The following KLRF2 variants were observed in gnomAD, a reference collection of about 807,000 sequenced individuals.
KLRF2 encodes the protein killer cell lectin like receptor F2.
KLRF2 carries 28 observed loss-of-function variants against 25.3 expected under a neutral mutation model. The observed-to-expected ratio is 1.11, with a 90% CI of 0.82 to 1.52. KLRF2 has a LOEUF of 1.52. Ranked by LOEUF, KLRF2 falls within the 40% of genes most tolerant of loss-of-function variation. KLRF2 has a pLI of 0.00. For synonymous variants in KLRF2, 73 were observed against 85.0 expected (o/e 0.86, Z 0.78); for missense variants, 265 against 245.8 (o/e 1.08, Z -0.52).
chr12:9,888,465 GGGC>G (rs1862629677), intron 2 of KLRF2, among the ~76,000 whole-genome samples: 1 of 151,648 alleles, frequency 6.6e-6, no homozygotes, highest in South Asian at 2.1e-4. Flanking sequence ...ACTGCAGCCT[GGGC>G]AACAGAGTGA....
chr12:9,884,804 AG>A, intron 1 of KLRF2, 129 bp from the exon 2 acceptor site: 1 of 383,176 alleles, frequency 2.6e-6, no homozygotes, highest in Non-Finnish European at 4.6e-6. Context: ...TTTTATTTTT[AG>A]ATTTTCATTT....
At chr12:9,889,658 GTGTA>G (rs200579836) in intron 3 of KLRF2, among the ~76,000 whole-genome samples, 7,054 of 141,542 alleles carry the variant, frequency 0.05, 261 homozygotes, top group African/African-American at 0.12. Flanking sequence ...GTGTGTGTGT[GTGTA>G]TATATATGTA....
intron 3 of KLRF2, 117 bp from the exon 4 acceptor site, chr12:9,892,903 C>CAA (rs35351866): frequency 0.056 from 43,244 of 769,072 alleles, 143 homozygotes; most frequent in Non-Finnish European, 0.062. Context: ...TTTTATTGAC[C>CAA]AAAAAAAAAA....
chr12:9,885,017 G>C lies in KLRF2; in HGVS notation c.154G>C (p.Asp52His). Reference protein sequence around the residue: ...VILIFIMTGIDLKFWHKKMDF... With the variant: ...VILIFIMTGIHLKFWHKKMDF... ...CCTTATATTCATTATGACAGGGATTGACCTGAAGTTCTGGCGTGAGTAGTA... is the reference window on the plus strand; with the variant it reads ...CCTTATATTCATTATGACAGGGATTCACCTGAAGTTCTGGCGTGAGTAGTA... The change falls in exon 2 of 6, where the codon GAC becomes CAC. Residue 52 changes from aspartate (D) to histidine (H), a missense_variant. Asp to His is a moderately conservative substitution (Grantham distance 81, BLOSUM62 -1). Coordinates refer to ENST00000535540, the MANE Select transcript of KLRF2 (RefSeq NM_001190765.1). 7.8e-7 allele frequency: 1 copy of C among 1,289,366 alleles called. No homozygotes were observed. The highest frequency in any genetic ancestry group is 9.9e-7 in the Non-Finnish European group (1 of 1,006,082). 79.9% of individuals were successfully genotyped at this position (1,289,366 alleles called of 1,614,324 possible). A position where few individuals can be genotyped will look rare whatever the true frequency, so the allele number is the denominator to read the frequency against.
intron 3 of KLRF2, among the ~76,000 whole-genome samples, chr12:9,890,544 T>C (rs1862664314): frequency 6.6e-6 from 1 of 152,214 alleles, no homozygotes; most frequent in South Asian, 2.1e-4. Context: ...CGTGTCACTC[T>C]TGTACACCCT....
chr12:9,882,171 G>A (rs954743101), intron 1 of KLRF2, among the ~76,000 whole-genome samples: 3 of 152,026 alleles, frequency 2.0e-5, no homozygotes, highest in African/African-American at 7.2e-5. Context: ...GGCTTTGTTT[G>A]CTTTTTCAGG....
At chr12:9,892,277 A>G (rs1862686004) in intron 3 of KLRF2, among the ~76,000 whole-genome samples, 1 of 152,218 alleles carries the variant, frequency 6.6e-6, no homozygotes, top group Non-Finnish European at 1.5e-5. Context: ...GTATGAACGA[A>G]AAGCACAGGA....
At chr12:9,881,982 T>C (rs1868099436) in intron 1 of KLRF2, among the ~76,000 whole-genome samples, 1 of 152,034 alleles carries the variant, frequency 6.6e-6, no homozygotes, top group Admixed American at 6.6e-5. Flanking sequence ...ACTTAAAGTT[T>C]ATATAAACTT....
In KLRF2 at chr12:9,887,471, A is replaced by T. The variant is rs532633805; in HGVS notation, c.170-1262A>T. Among the ~76,000 whole-genome samples the T allele has an allele frequency of 9.2e-5, 14 of 152,366 alleles. 1 individual carries two copies. The South Asian group carries it at 1.0e-3, about 11-fold the overall frequency. On this transcript the variant is annotated intron_variant, in intron 2 of 5. Coordinates refer to ENST00000535540, the MANE Select transcript of KLRF2 (RefSeq NM_001190765.1). ...TTATGAGCAATCTTGATTTTAACTT[A>T]GATTTGAAACAAGAGTAATCAAGTA...
chr12:9,892,782 C>G (rs1862696158), intron 3 of KLRF2, among the ~76,000 whole-genome samples: 1 of 151,654 alleles, frequency 6.6e-6, no homozygotes, highest in Non-Finnish European at 1.5e-5. Flanking sequence ...CAGGGTTTCT[C>G]CATGTTGGTC....
At chr12:9,888,172 A>G (rs1204263063) in intron 2 of KLRF2, among the ~76,000 whole-genome samples, 3 of 151,874 alleles carry the variant, frequency 2.0e-5, no homozygotes, top group Non-Finnish European at 2.9e-5. Context: ...AACATCATAC[A>G]TGAAGTCTAA....
intron 2 of KLRF2, among the ~76,000 whole-genome samples, chr12:9,887,468 C>G (rs1305872641): frequency 6.6e-6 from 1 of 152,144 alleles, no homozygotes; most frequent in Non-Finnish European, 1.5e-5. Context: ...TTGATTTTAA[C>G]TTAGATTTGA....
chr12:9,885,257 T>C (rs1036912336), intron 2 of KLRF2, among the ~76,000 whole-genome samples: 7 of 151,828 alleles, frequency 4.6e-5, no homozygotes, highest in African/African-American at 1.7e-4. Flanking sequence ...TTTATTATCT[T>C]ATAATTAAAA....
At position 9,893,107 on chromosome 12, in the gene KLRF2, G is replaced by T; in HGVS notation, c.305G>T (p.Ser102Ile). ...FSTSFKTWKE[S>I]QRDCTQLQAH... ...ACTTCTTTTAAAACGTGGAAAGAGA[G>T]TCAACGTGATTGTACACAGCTACAG... The change falls in exon 4 of 6, where the codon AGT (serine) becomes ATT (isoleucine). Residue 102 changes from serine to isoleucine, a missense_variant. By Grantham distance (142) the Ser-to-Ile change is moderately radical. Transcript: ENST00000535540. The T allele has an allele frequency of 6.5e-7, 1 of 1,535,700 alleles. No homozygotes were observed. The highest frequency in any genetic ancestry group is 8.7e-7 in the Non-Finnish European group (1 of 1,146,598).
chr12:9,883,549 A>G (rs527366431), intron 1 of KLRF2, among the ~76,000 whole-genome samples: 69 of 152,316 alleles, frequency 4.5e-4, no homozygotes, highest in South Asian at 6.2e-4. Flanking sequence ...CCTCCCTGGC[A>G]TGTATGGAAA....
intron 4 of KLRF2, 35 bp downstream of exon 4, chr12:9,893,203 G>GAA: frequency 6.6e-7 from 1 of 1,510,896 alleles, no homozygotes; most frequent in Admixed American, 2.0e-5. Flanking sequence ...ACTGCACAAG[G>GAA]AAAAATGGCT....
At chr12:9,888,375 A>G (rs10772221) in intron 2 of KLRF2, among the ~76,000 whole-genome samples, 74,934 of 151,584 alleles carry the variant, frequency 0.49, 20,161 homozygotes, top group Non-Finnish European at 0.62. Context: ...CTGTAGTCCC[A>G]TATGCTCGGG....
chr12:9,894,249 G>A (rs969957840), intron 5 of KLRF2, among the ~76,000 whole-genome samples: 3 of 149,456 alleles, frequency 2.0e-5, no homozygotes, highest in East Asian at 2.0e-4. Context: ...TGGCATGATC[G>A]TGGCTTACTG....
intron 2 of KLRF2, 30 bp from the exon 3 acceptor site, chr12:9,888,703 T>C: frequency 1.5e-6 from 2 of 1,300,826 alleles, no homozygotes; most frequent in Non-Finnish European, 2.1e-6. Flanking sequence ...TTTAAATGTT[T>C]CTCATATCTT....
Sources: gnomAD v4.1 joint callset for allele counts (sites outside exome capture counted in the v4.1 genomes callset) on GRCh38, gnomAD v4.1.1 for gene constraint, MANE v1.5 for transcripts, NCBI Gene and HGNC (gene_info 2026-07-23, HGNC 2026-07-21) for gene names.